The following PLCZ1 variants were observed in gnomAD, a reference collection of about 807,000 sequenced individuals.
PLCZ1 encodes the protein 1-phosphatidylinositol 4,5-bisphosphate phosphodiesterase zeta-1.
Under a neutral mutation model 76.8 loss-of-function variants are expected in PLCZ1, and 64 were observed. The ratio of observed to expected loss-of-function variants is 0.83; its 90% CI spans 0.68 to 1.03. PLCZ1 has a LOEUF of 1.03. Among genes scored for constraint, PLCZ1 ranks in the 50% least tolerant of loss-of-function variants. The probability of loss-of-function intolerance (pLI) is 0.00; values close to 1 mark genes in which losing one functional copy is unlikely to be tolerated. For missense variants in PLCZ1, 751 were observed against 713.7 expected (o/e 1.05, Z -0.60); for synonymous variants, 248 against 230.8 (o/e 1.07, Z -0.68).
chr12:18,736,404 C>A, intron 2 of PLCZ1, 60 bp from the exon 3 acceptor site: 1 of 1,535,234 alleles, frequency 6.5e-7, no homozygotes, highest in South Asian at 1.2e-5. Flanking sequence ...TTTAAAATTC[C>A]TAAAGAAACA....
the PLCZ1 span, among the ~76,000 whole-genome samples, chr12:18,675,867 G>A: frequency 6.6e-6 from 1 of 152,108 alleles, no homozygotes; most frequent in South Asian, 2.1e-4. Context: ...ACTCAAAAAG[G>A]GAAGGGTGGG....
chr12:18,653,037 T>A, the PLCZ1 span, among the ~76,000 whole-genome samples: 1 of 151,934 alleles, frequency 6.6e-6, no homozygotes, highest in African/African-American at 2.4e-5. Context: ...TACCTATCAC[T>A]CTCATCCTTA....
intron 3 of PLCZ1, 94 bp downstream of exon 3, chr12:18,736,127 T>C: frequency 7.1e-7 from 1 of 1,416,554 alleles, no homozygotes; most frequent in Middle Eastern, 1.9e-4. Flanking sequence ...TTAATTGCTT[T>C]TCTTCTTAAG....
At chr12:18,650,990 T>C in the PLCZ1 span, among the ~76,000 whole-genome samples, 5 of 151,984 alleles carry the variant, frequency 3.3e-5, no homozygotes, top group South Asian at 1.0e-3. Context: ...TATATCATTC[T>C]TCTGTTCAAA....
At chr12:18,682,877 A>G (rs1952558313), downstream of PLCZ1, among the ~76,000 whole-genome samples, 1 of 152,018 alleles carries the variant, frequency 6.6e-6, no homozygotes, top group African/African-American at 2.4e-5. Context: ...ACACTCTTAG[A>G]TTTCACATTT....
chr12:18,682,203 G>A (rs924575971), downstream of PLCZ1, among the ~76,000 whole-genome samples: 5 of 151,982 alleles, frequency 3.3e-5, no homozygotes, highest in African/African-American at 1.2e-4. Flanking sequence ...TCAGTGATAC[G>A]TTTATTTTAA....
At chr12:18,664,825 C>T in the PLCZ1 span, among the ~76,000 whole-genome samples, 885 of 151,104 alleles carry the variant, frequency 5.9e-3, 8 homozygotes, top group Middle Eastern at 6.8e-3. Flanking sequence ...TACTATGCAG[C>T]CACAAAAAAT....
chr12:18,715,285 G>T (rs1206597326), intron 5 of PLCZ1, among the ~76,000 whole-genome samples: 1 of 150,516 alleles, frequency 6.6e-6, no homozygotes, highest in Non-Finnish European at 1.5e-5. Context: ...GAGGAAGTAA[G>T]GCTTTAGAGA....
At chr12:18,724,434 TAA>T (rs1958629797) in intron 3 of PLCZ1, among the ~76,000 whole-genome samples, 2 of 152,100 alleles carry the variant, frequency 1.3e-5, no homozygotes, top group African/African-American at 4.8e-5. Context: ...GAATTTCAGC[TAA>T]GAGGGAGATT....
chr12:18,662,307 C>CGT, the PLCZ1 span, among the ~76,000 whole-genome samples: 2 of 90,780 alleles, frequency 2.2e-5, no homozygotes, highest in African/African-American at 6.2e-5. Context: ...TACCTCTAAA[C>CGT]ATAAAGGTTT....
Position 18,712,823 on chromosome 12 carries a change from A to T in PLCZ1, c.714+19T>A. ...GCTTCTGTTTAAATAGCTACAGTTG[A>T]ACAAAGATATGTACATACCATGAAT... On this transcript the variant is annotated intron_variant, in intron 6 of 14. Transcript: ENST00000266505. 2 of 1,612,272 alleles carry T rather than the reference A, an allele frequency of 1.2e-6. No homozygotes were observed. Among genetic ancestry groups the T allele is most frequent in the Non-Finnish European group, 1.7e-6 (2 of 1,178,434 alleles).
chr12:18,647,354 C>G, the PLCZ1 span, among the ~76,000 whole-genome samples: 1 of 151,426 alleles, frequency 6.6e-6, no homozygotes, highest in Admixed American at 6.6e-5. Context: ...GTGCTACGTT[C>G]ACTACTTAGG....
Position 18,701,566 on chromosome 12 carries a change from C to A in PLCZ1, c.952G>T (p.Asp318Tyr). The part of the protein sequence containing the change: ...HERKGSDKRG[D>Y]NQDKETGVKK... ...ACCCCTGTTTCCTTGTCTTGATTGT[C>A]TCCTAAAACAGATTCCAATACTTCT... The change falls in exon 9 of 15, where the codon GAC becomes TAC. Residue 318 changes from aspartate (D) to tyrosine (Y), a missense_variant and splice_region_variant. Asp to Tyr is a radical substitution (Grantham distance 160). Coordinates refer to ENST00000266505, the MANE Select transcript of PLCZ1 (RefSeq NM_033123.4). 6.2e-7 allele frequency: 1 copy of A among 1,613,826 alleles called. No homozygotes were observed. Among genetic ancestry groups the A allele is most frequent in the South Asian group, 1.1e-5 (1 of 91,058 alleles).
chr12:18,662,971 AAACC>A, the PLCZ1 span, among the ~76,000 whole-genome samples: 10 of 152,228 alleles, frequency 6.6e-5, no homozygotes, highest in East Asian at 1.2e-3. Context: ...AGGCATGTAG[AAACC>A]AAATAGAAAA....
the PLCZ1 span, among the ~76,000 whole-genome samples, chr12:18,647,350 C>T: frequency 5.3e-5 from 8 of 151,600 alleles, no homozygotes; most frequent in East Asian, 1.9e-4. Flanking sequence ...TTGGGTGCTA[C>T]GTTCACTACT....
downstream of PLCZ1, among the ~76,000 whole-genome samples, chr12:18,681,651 GAAC>G (rs751344569): frequency 4.6e-5 from 7 of 151,868 alleles, no homozygotes; most frequent in Non-Finnish European, 7.4e-5. Context: ...TAAGATTCTT[GAAC>G]AAGAAATAAA....
the PLCZ1 span, among the ~76,000 whole-genome samples, chr12:18,674,739 C>T: frequency 6.6e-6 from 1 of 152,120 alleles, no homozygotes; most frequent in African/African-American, 2.4e-5. Flanking sequence ...CTAACTAACA[C>T]GATAGAGTGA....
intron 10 of PLCZ1, among the ~76,000 whole-genome samples, chr12:18,697,910 C>T (rs1022180329): frequency 1.3e-5 from 2 of 152,000 alleles, no homozygotes; most frequent in Non-Finnish European, 2.9e-5. Context: ...AAGAAAAATG[C>T]TCTATGCCCC....
At chr12:18,710,386 G>A (rs1055186965) in intron 6 of PLCZ1, among the ~76,000 whole-genome samples, 3 of 151,872 alleles carry the variant, frequency 2.0e-5, no homozygotes, top group African/African-American at 7.3e-5. Flanking sequence ...GTCTGAAAAG[G>A]ACTAAGGAGG....
Sources: gnomAD v4.1 joint callset for allele counts (sites outside exome capture counted in the v4.1 genomes callset) on GRCh38, gnomAD v4.1.1 for gene constraint, MANE v1.5 for transcripts, NCBI Gene and HGNC (gene_info 2026-07-23, HGNC 2026-07-21) for gene names.